Variants in VTI1A observed in about 807,000 individuals in gnomAD.
The protein encoded by VTI1A is vesicle transport through interaction with t-SNAREs homolog 1A.
In VTI1A, 22 loss-of-function variants were observed where a neutral mutation model predicts 34.9. The observed-to-expected ratio is 0.63, with a 90% CI of 0.45 to 0.90. The LOEUF (loss-of-function observed/expected upper bound fraction) is 0.90. VTI1A is among the 40% of genes least tolerant of loss of function. The probability of loss-of-function intolerance (pLI) is 0.00; values close to 1 mark genes in which losing one functional copy is unlikely to be tolerated. For synonymous variants in VTI1A, 87 were observed against 97.3 expected, an observed-to-expected ratio of 0.89 and a Z score of 0.62; for missense variants, 268 against 275.6, an observed-to-expected ratio of 0.97 and a Z score of 0.20.
chr10:112,709,538 T>C (rs923600039), intron 7 of VTI1A, among the ~76,000 whole-genome samples: 3 of 152,052 alleles, frequency 2.0e-5, no homozygotes, highest in Non-Finnish European at 4.4e-5. Flanking sequence ...ATCTTGCTCA[T>C]GCCATTCCTC....
the VTI1A span, among the ~76,000 whole-genome samples, chr10:112,851,884 G>GA: frequency 6.6e-6 from 1 of 152,110 alleles, no homozygotes; most frequent in South Asian, 2.1e-4. Context: ...AAATTACACT[G>GA]AAAAATCTTT....
intron 5 of VTI1A, among the ~76,000 whole-genome samples, chr10:112,626,053 A>G (rs1453859157): frequency 6.6e-6 from 1 of 152,190 alleles, no homozygotes; most frequent in African/African-American, 2.4e-5. Context: ...GAAACAAAGT[A>G]CATTTGGAAA....
the VTI1A span, chr10:112,827,276 T>G: frequency 1.3e-5 from 2 of 152,072 alleles, no homozygotes; most frequent in African/African-American, 4.8e-5. Flanking sequence ...AATTGCAATT[T>G]CATGGTTCCT....
chr10:112,658,672 A>G (rs1332735692), intron 5 of VTI1A, among the ~76,000 whole-genome samples: 5 of 152,268 alleles, frequency 3.3e-5, no homozygotes, highest in African/African-American at 1.2e-4. Context: ...GGGAACAGAA[A>G]TGAGTGAAAC....
chr10:112,668,864 A>G, intron 6 of VTI1A, 73 bp from the exon 7 acceptor site: 2 of 1,461,188 alleles, frequency 1.4e-6, no homozygotes, highest in Non-Finnish European at 1.9e-6. Context: ...CATGAAATAA[A>G]TTGTCGCTTG....
At position 112,591,231 on chromosome 10, in the gene VTI1A, A is replaced by G. The variant is rs1844373683; in HGVS notation, c.427+52901A>G. Among the ~76,000 whole-genome samples, 3 of 152,080 alleles carry G rather than the reference A, an allele frequency of 2.0e-5. No homozygotes were observed. The South Asian group carries it at 6.2e-4, about 32-fold the overall frequency. ...GGTACTCAGGTTTATGTTAGAAGAG[A>G]TACTGTTGACCGGGCGTGGTGGCTC... On this transcript the variant is annotated intron_variant, in intron 5 of 7. Coordinates refer to ENST00000393077, the MANE Select transcript of VTI1A (RefSeq NM_145206.4).
chr10:112,610,607 A>G (rs1845258991), intron 5 of VTI1A, among the ~76,000 whole-genome samples: 1 of 152,194 alleles, frequency 6.6e-6, no homozygotes, highest in Admixed American at 6.5e-5. Context: ...AGAACTTAGG[A>G]CAAAATACCT....
At chr10:112,470,293 A>G (rs938863959) in intron 3 of VTI1A, among the ~76,000 whole-genome samples, 6 of 152,224 alleles carry the variant, frequency 3.9e-5, no homozygotes, top group Admixed American at 1.3e-4. Flanking sequence ...GAGTCGAAGT[A>G]TGCTAAAATG....
intron 7 of VTI1A, among the ~76,000 whole-genome samples, chr10:112,728,292 G>T (rs1850117859): frequency 6.6e-6 from 1 of 152,102 alleles, no homozygotes; most frequent in Admixed American, 6.5e-5. Context: ...GTAGTAGAGG[G>T]TGTCTGGGTA....
intron 5 of VTI1A, among the ~76,000 whole-genome samples, chr10:112,657,619 C>T (rs1163175462): frequency 2.0e-5 from 3 of 152,064 alleles, no homozygotes; most frequent in South Asian, 4.2e-4. Context: ...CAAAATGGAT[C>T]GAAGACCCAA....
chr10:112,530,868 A>C (rs1039453563), intron 4 of VTI1A, among the ~76,000 whole-genome samples: 1 of 152,158 alleles, frequency 6.6e-6, no homozygotes, highest in African/African-American at 2.4e-5. Context: ...TCTGTTCGTT[A>C]CGTGCTGAGG....
At chr10:112,793,004 C>T (rs1421467913) in intron 7 of VTI1A, among the ~76,000 whole-genome samples, 2 of 152,162 alleles carry the variant, frequency 1.3e-5, no homozygotes, top group African/African-American at 4.8e-5. Context: ...TTCCTTGCCT[C>T]GCCTGGCTCT....
chr10:112,458,697 C>T (rs963008950), intron 1 of VTI1A, among the ~76,000 whole-genome samples: 4 of 150,942 alleles, frequency 2.7e-5, no homozygotes, highest in African/African-American at 4.9e-5. Flanking sequence ...GACAGAGTCC[C>T]GCACTGTTGC....
chr10:112,839,917 C>G, the VTI1A span, among the ~76,000 whole-genome samples: 1 of 142,196 alleles, frequency 7.0e-6, no homozygotes, highest in East Asian at 2.2e-4. Context: ...ACTCCACATA[C>G]CCAGTACAGC....
chr10:112,736,615 G>C, intron 7 of VTI1A: 1 of 1,496,068 alleles, frequency 6.7e-7, no homozygotes, highest in Non-Finnish European at 9.0e-7. Flanking sequence ...AGAAACCAAA[G>C]CCTGCTGTTC....
intron 7 of VTI1A, among the ~76,000 whole-genome samples, chr10:112,717,671 G>A (rs1057381452): frequency 2.6e-5 from 4 of 152,260 alleles, no homozygotes; most frequent in Admixed American, 1.3e-4. Flanking sequence ...GGCAGAAGCT[G>A]TGTGGCTTTT....
At chr10:112,828,626 C>A in the VTI1A span, among the ~76,000 whole-genome samples, 1 of 151,852 alleles carries the variant, frequency 6.6e-6, no homozygotes, top group Non-Finnish European at 1.5e-5. Context: ...AGGATGGTCT[C>A]GATCTCCTGA....
chr10:112,813,960 G>A (rs1466161954), intron 7 of VTI1A, among the ~76,000 whole-genome samples: 7 of 152,090 alleles, frequency 4.6e-5, no homozygotes, highest in African/African-American at 7.3e-5. Flanking sequence ...GAGAGAGCTC[G>A]TCCTTTTAGG....
intron 7 of VTI1A, among the ~76,000 whole-genome samples, chr10:112,792,646 C>T (rs1852523780): frequency 6.6e-6 from 1 of 152,082 alleles, no homozygotes; most frequent in African/African-American, 2.4e-5. Flanking sequence ...TCATAAAAAC[C>T]GAGTCAAGAT....
Sources: gnomAD v4.1 joint callset for allele counts (sites outside exome capture counted in the v4.1 genomes callset) on GRCh38, gnomAD v4.1.1 for gene constraint, MANE v1.5 for transcripts, NCBI Gene and HGNC (gene_info 2026-07-23, HGNC 2026-07-21) for gene names.